Variants in ADORA1 observed in about 807,000 individuals in gnomAD.
ADORA1 encodes the protein adenosine receptor A1.
Under a neutral mutation model 19.9 loss-of-function variants are expected in ADORA1, and 6 were observed. The observed-to-expected ratio is 0.30, with a 90% CI of 0.17 to 0.59. ADORA1 has a LOEUF of 0.59. Among genes scored for constraint, ADORA1 ranks in the 20% least tolerant of loss-of-function variants. ADORA1 has a pLI of 0.87. For synonymous variants in ADORA1, 194 were observed against 188.4 expected (o/e 1.03, Z -0.24); for missense variants, 302 against 439.2 (o/e 0.69, Z 2.79).
intron 3 of ADORA1, among the ~76,000 whole-genome samples, chr1:203,131,847 T>A (rs1418772218): frequency 6.6e-6 from 1 of 152,184 alleles, no homozygotes; most frequent in Non-Finnish European, 1.5e-5. Flanking sequence ...ACGAAACTCC[T>A]CTTGGCCAGA....
intron 3 of ADORA1, among the ~76,000 whole-genome samples, chr1:203,160,816 T>C (rs1372252176): frequency 1.3e-5 from 2 of 152,136 alleles, no homozygotes; most frequent in Non-Finnish European, 2.9e-5. Context: ...ATCTCTTAAA[T>C]AAATAAATAA....
intron 3 of ADORA1, chr1:203,150,778 G>C (rs1051948566): frequency 7.8e-7 from 1 of 1,289,616 alleles, no homozygotes; most frequent in African/African-American, 1.5e-5. Context: ...AGATTTCCAA[G>C]GTGGTGAGCT....
Position 203,128,659 on chromosome 1 carries a change from C to A in ADORA1, c.-57-126C>A. ...GCAGAGAAGGGTCCGGGTGCCCCTC[C>A]AGCCTGGGTAGGAGCTGCATGTGAC... On this transcript the variant is annotated intron_variant, in intron 2 of 3. Coordinates refer to ENST00000337894, the MANE Select transcript of ADORA1 (RefSeq NM_000674.3). The surrounding 1 kb of genome is among the most constrained non-coding windows in gnomAD (Gnocchi z 5.9). 8.3e-7 allele frequency: 1 copy of A among 1,209,164 alleles called. No individual in the cohort carries two copies. The highest frequency in any genetic ancestry group is 1.1e-6 in the Non-Finnish European group (1 of 891,818). The allele number at this position is 1,209,164 out of a possible 1,614,324, so 74.9% of individuals were successfully genotyped here.
At chr1:203,149,424 C>T (rs1255266434) in intron 3 of ADORA1, among the ~76,000 whole-genome samples, 1 of 152,136 alleles carries the variant, frequency 6.6e-6, no homozygotes, top group African/African-American at 2.4e-5. Flanking sequence ...TGGGATACTG[C>T]CAGCAGCTAA....
At chr1:203,162,769 G>C (rs2102766991) in intron 3 of ADORA1, among the ~76,000 whole-genome samples, 1 of 152,332 alleles carries the variant, frequency 6.6e-6, no homozygotes. Flanking sequence ...CTTATCTGCT[G>C]TGCTCACCAC....
chr1:203,160,924 C>G (rs1357659507), intron 3 of ADORA1, among the ~76,000 whole-genome samples: 3 of 152,224 alleles, frequency 2.0e-5, no homozygotes, highest in African/African-American at 7.2e-5. Flanking sequence ...CAAGCTCCTT[C>G]CTCACTTAGC....
At chr1:203,151,102 G>A (rs1042371408) in intron 3 of ADORA1, among the ~76,000 whole-genome samples, 3 of 152,188 alleles carry the variant, frequency 2.0e-5, no homozygotes, top group African/African-American at 7.2e-5. Context: ...AGGCCTTCAG[G>A]CAGATGCCCT....
chr1:203,165,966 T>C lies in ADORA1; in HGVS notation c.*66T>C. 1 of 1,493,494 alleles carries C rather than the reference T, an allele frequency of 6.7e-7. No individual in the cohort carries two copies. Among genetic ancestry groups the C allele is most frequent in the Non-Finnish European group, 8.9e-7 (1 of 1,126,728 alleles). 92.5% of individuals were successfully genotyped at this position (1,493,494 alleles called of 1,614,324 possible). ...CTCAGTCCAGTCCTCACATGCCCGC[T>C]GTCCCAGGGGTCTCCCTGAGCCTGC... is the stretch of plus-strand genomic sequence containing the variant. On this transcript the variant is annotated 3_prime_UTR_variant, in exon 4 of 4. Transcript: ENST00000337894. This position sits in a 1 kb window ranked among gnomAD's most constrained non-coding sequence, Gnocchi z 5.9.
In ADORA1 at chr1:203,165,763, G is replaced by T. The variant is rs772336239; in HGVS notation, c.844G>T (p.Ala282Ser). 1.9e-6 allele frequency: 3 copies of T among 1,613,862 alleles called. No homozygotes were observed. In the Admixed American group the frequency reaches 5.0e-5, roughly 27 times the overall value. ...CATCTTCCTCACGCACGGCAACTCG[G>T]CCATGAACCCCATTGTCTATGCCTT... is the stretch of plus-strand genomic sequence containing the variant. ...IAIFLTHGNS[A>S]MNPIVYAFRI... is the part of the protein sequence containing the mutation. The change falls in exon 4 of 4, where the codon GCC (alanine) becomes TCC (serine). Residue 282 changes from alanine to serine, a missense_variant. Ala to Ser is a moderately conservative substitution (Grantham distance 99). Coordinates refer to ENST00000337894, the MANE Select transcript of ADORA1 (RefSeq NM_000674.3). This position sits in a 1 kb window ranked among gnomAD's most constrained non-coding sequence, Gnocchi z 5.9.
At chr1:203,158,061 C>T (rs1052009473) in intron 3 of ADORA1, among the ~76,000 whole-genome samples, 2 of 152,206 alleles carry the variant, frequency 1.3e-5, no homozygotes, top group African/African-American at 4.8e-5. Context: ...TTAGTATTCT[C>T]TCCTGAACAC....
rs1040743751 is a variant in ADORA1, at chr1:203,166,093, C to T, written c.*193C>T. ...GTTAACTACCCTACACCTCTGGGCC[C>T]TGCAGGAGGCCTGGGAGGGCAAGGG... On this transcript the variant is annotated 3_prime_UTR_variant, in exon 4 of 4. Coordinates refer to ENST00000337894, the MANE Select transcript of ADORA1 (RefSeq NM_000674.3). 1.5e-6 allele frequency: 1 copy of T among 677,916 alleles called. No individual in the cohort carries two copies. Among genetic ancestry groups the T allele is most frequent in the Non-Finnish European group, 2.2e-6 (1 of 459,486 alleles). 42.0% of individuals were successfully genotyped at this position (677,916 alleles called of 1,614,324 possible).
chr1:203,134,762 G>A (rs992287991), intron 3 of ADORA1, among the ~76,000 whole-genome samples: 9 of 152,046 alleles, frequency 5.9e-5, no homozygotes, highest in South Asian at 2.1e-4. Context: ...GAGAACTACC[G>A]TTAACATTTT....
chr1:203,136,566 C>G (rs1287914419), intron 3 of ADORA1, among the ~76,000 whole-genome samples: 1 of 152,216 alleles, frequency 6.6e-6, no homozygotes, highest in East Asian at 1.9e-4. Context: ...CTCTGTCTGA[C>G]AGCTCAGAGT....
chr1:203,158,812 C>T (rs1290516599), intron 3 of ADORA1, among the ~76,000 whole-genome samples: 1 of 152,120 alleles, frequency 6.6e-6, no homozygotes, highest in Non-Finnish European at 1.5e-5. Flanking sequence ...TTTTTTCTGG[C>T]TCATCCTATG....
chr1:203,135,089 C>G (rs550184796), intron 3 of ADORA1, among the ~76,000 whole-genome samples: 12 of 152,330 alleles, frequency 7.9e-5, no homozygotes, highest in African/African-American at 2.2e-4. Flanking sequence ...AAGTCCACCA[C>G]TCATCACCTG....
intron 3 of ADORA1, among the ~76,000 whole-genome samples, chr1:203,137,486 C>T (rs1654547396): frequency 6.6e-6 from 1 of 152,124 alleles, no homozygotes; most frequent in African/African-American, 2.4e-5. Flanking sequence ...GGATCACTCT[C>T]GTTGCCGTGT....
intron 3 of ADORA1, chr1:203,150,578 G>A: frequency 7.9e-7 from 1 of 1,272,544 alleles, no homozygotes; most frequent in South Asian, 1.3e-5. Flanking sequence ...TTGCCTGGTT[G>A]CAAGGTGGGG....
chr1:203,151,780 G>GCATT (rs1655042766), intron 3 of ADORA1, among the ~76,000 whole-genome samples: 1 of 107,226 alleles, frequency 9.3e-6, no homozygotes, highest in African/African-American at 3.7e-5. Context: ...CACACTTCAT[G>GCATT]CATGCATGCA....
intron 3 of ADORA1, among the ~76,000 whole-genome samples, chr1:203,156,515 G>C (rs759783339): frequency 6.6e-6 from 1 of 152,116 alleles, no homozygotes; most frequent in Non-Finnish European, 1.5e-5. Context: ...GGAGTTCAGG[G>C]AGAGTGAAGT....
Sources: allele counts gnomAD v4.1 joint callset (sites outside exome capture counted in the v4.1 genomes callset), GRCh38; gene constraint gnomAD v4.1.1; non-coding constraint Gnocchi (gnomAD v3.1); transcripts MANE v1.5; gene names NCBI Gene and HGNC (gene_info 2026-07-23, HGNC 2026-07-21).